Variants in FAM107B observed in about 807,000 individuals in gnomAD.
The protein encoded by FAM107B is family with sequence similarity 107 member B.
A neutral mutation model predicts 31.5 loss-of-function variants in FAM107B; 21 were observed. That is an observed-to-expected ratio of 0.67 (90% confidence interval 0.47 to 0.96). FAM107B has a LOEUF of 0.96. Among genes scored for constraint, FAM107B ranks in the 40% least tolerant of loss-of-function variants. The pLI, the probability that FAM107B is intolerant of heterozygous loss-of-function variation, is 0.00. For synonymous variants in FAM107B, 157 were observed against 141.5 expected (o/e 1.11, Z -0.78); for missense variants, 452 against 377.1 (o/e 1.20, Z -1.64).
At chr10:14,524,160 G>GCCTC (rs1845975343) in intron 3 of FAM107B, among the ~76,000 whole-genome samples, 2 of 151,642 alleles carry the variant, frequency 1.3e-5, no homozygotes, top group Non-Finnish European at 2.9e-5. Flanking sequence ...TCCTCCCTCA[G>GCCTC]CCTCCCGAGG....
At chr10:14,522,456 C>A (rs991633711) in intron 3 of FAM107B, among the ~76,000 whole-genome samples, 12 of 151,670 alleles carry the variant, frequency 7.9e-5, no homozygotes, top group African/African-American at 2.9e-4. Flanking sequence ...CTCTGTCACC[C>A]AGGCTGGAGT....
At chr10:14,754,219 G>A (rs552079828) in intron 1 of FAM107B, among the ~76,000 whole-genome samples, 10 of 152,276 alleles carry the variant, frequency 6.6e-5, no homozygotes, top group East Asian at 3.9e-4. Context: ...GATTACAGGC[G>A]TGAGCCACCT....
intron 1 of FAM107B, among the ~76,000 whole-genome samples, chr10:14,754,759 G>C (rs1832895765): frequency 6.6e-6 from 1 of 152,172 alleles, no homozygotes; most frequent in African/African-American, 2.4e-5. Flanking sequence ...GCTGTGATTT[G>C]TGCCTGTAAG....
At chr10:14,557,600 G>A (rs1467349916) in intron 2 of FAM107B, among the ~76,000 whole-genome samples, 1 of 152,190 alleles carries the variant, frequency 6.6e-6, no homozygotes, top group Admixed American at 6.5e-5. Context: ...CAATGATGAT[G>A]GTTTGGTTCC....
chr10:14,674,988 G>C (rs1854647385), intron 1 of FAM107B, among the ~76,000 whole-genome samples: 2 of 152,154 alleles, frequency 1.3e-5, no homozygotes, highest in South Asian at 2.1e-4. Context: ...CATTGTGCTT[G>C]TCCACGTATG....
intron 1 of FAM107B, among the ~76,000 whole-genome samples, chr10:14,735,241 G>A (rs1856272459): frequency 6.6e-6 from 1 of 152,168 alleles, no homozygotes; most frequent in Non-Finnish European, 1.5e-5. Context: ...TTTCAAGGCA[G>A]CCCAACACAA....
rs3035297 is a variant in FAM107B, at chr10:14,663,887, C to CAAAAAAAAAA, written c.469+3737_469+3746dup. Among the ~76,000 whole-genome samples the CAAAAAAAAAA allele has an allele frequency of 3.2e-4, 26 of 80,380 alleles. 2 individuals carry two copies. Among genetic ancestry groups the CAAAAAAAAAA allele is most frequent in the African/African-American group, 1.4e-3 (25 of 17,456 alleles). The allele number at this position is 80,380 out of a possible 152,430, so 52.7% of individuals were successfully genotyped here. On this transcript the variant is annotated intron_variant, in intron 2 of 4. Coordinates refer to ENST00000181796, the MANE Select transcript of FAM107B (RefSeq NM_031453.4). The stretch of plus-strand genomic sequence containing the variant: ...GATGCCCAAGAATTAGATCATCAGC[C>CAAAAAAAAAA]AAAAAAAAAAAAAAAAAAAAAAAAA...
intron 2 of FAM107B, among the ~76,000 whole-genome samples, chr10:14,582,585 A>G (rs925383426): frequency 2.8e-4 from 42 of 151,494 alleles, no homozygotes; most frequent in Non-Finnish European, 4.0e-4. Flanking sequence ...CACCATGTTA[A>G]CCAGGATGGT....
rs556381236 is a variant in FAM107B, at chr10:14,527,525, C to G, written c.653+2807G>C. 3.0e-4 allele frequency among the ~76,000 whole-genome samples: 46 copies of G among 152,368 alleles called. 1 individual carries two copies. Among genetic ancestry groups the G allele is most frequent in the African/African-American group, 1.1e-3 (46 of 41,588 alleles). On this transcript the variant is annotated intron_variant, in intron 3 of 4. Transcript: ENST00000181796. Reference sequence around the variant, plus strand: ...TGCGTAGCAAAGGTATAAGTCTCCACATAAACTTGCTTTTATTTCTAAACA... The same window carrying G: ...TGCGTAGCAAAGGTATAAGTCTCCAGATAAACTTGCTTTTATTTCTAAACA...
In FAM107B at chr10:14,530,118, G is replaced by C. The variant is rs575163969; in HGVS notation, c.653+214C>G. The C allele has an allele frequency of 2.0e-4, 101 of 517,414 alleles. No individual in the cohort carries two copies. In the South Asian group the frequency reaches 2.9e-3, roughly 15 times the overall value. The allele number at this position is 517,414 out of a possible 1,614,324, so 32.1% of individuals were successfully genotyped here. A position where few individuals can be genotyped will look rare whatever the true frequency, so the allele number is the denominator to read the frequency against. Reference sequence around the variant, plus strand: ...GGGAACCCGTGACTGCAGGAGTCTGGAAGCACTGCTGGCCACCACAGTGAT... The same window carrying C: ...GGGAACCCGTGACTGCAGGAGTCTGCAAGCACTGCTGGCCACCACAGTGAT... On this transcript the variant is annotated intron_variant, in intron 3 of 4. Transcript: ENST00000181796.
intron 2 of FAM107B, among the ~76,000 whole-genome samples, chr10:14,577,820 T>C (rs1851511978): frequency 6.6e-6 from 1 of 152,246 alleles, no homozygotes; most frequent in African/African-American, 2.4e-5. Flanking sequence ...TAGTTTTCTG[T>C]GCATTCTCTA....
At chr10:14,585,418 C>G (rs749231) in intron 2 of FAM107B, among the ~76,000 whole-genome samples, 136,106 of 152,054 alleles carry the variant, frequency 0.9, 61,913 homozygotes, top group Non-Finnish European at 0.97. Context: ...TCTCCCTCCT[C>G]TCTTCCTCTT....
intron 2 of FAM107B, among the ~76,000 whole-genome samples, chr10:14,572,761 T>TATATATATATATATATATATATATATATA (rs1554835550): frequency 7.9e-5 from 6 of 76,052 alleles, no homozygotes; most frequent in East Asian, 3.9e-4. Flanking sequence ...ATATATATAT[T>TATATATATATATATATATATATATATATA]AGAGTGTGTG....
At chr10:14,565,901 G>A (rs895643967) in intron 2 of FAM107B, among the ~76,000 whole-genome samples, 1 of 152,136 alleles carries the variant, frequency 6.6e-6, no homozygotes, top group Non-Finnish European at 1.5e-5. Flanking sequence ...AATCCCAGCT[G>A]GCAAATGCTG....
chr10:14,592,054 A>T (rs941538433), intron 2 of FAM107B, among the ~76,000 whole-genome samples: 10 of 152,224 alleles, frequency 6.6e-5, no homozygotes, highest in African/African-American at 2.4e-4. Flanking sequence ...AAGAAAAGCC[A>T]TTTCTAAGTG....
At chr10:14,751,302 A>G (rs937598306) in intron 1 of FAM107B, among the ~76,000 whole-genome samples, 2 of 152,130 alleles carry the variant, frequency 1.3e-5, no homozygotes, top group Non-Finnish European at 1.5e-5. Flanking sequence ...TGTTTGTACA[A>G]TTTCTCATAC....
intron 1 of FAM107B, among the ~76,000 whole-genome samples, chr10:14,673,508 G>A (rs960954512): frequency 2.6e-5 from 4 of 152,056 alleles, no homozygotes; most frequent in Admixed American, 6.6e-5. Context: ...TATTGTATAA[G>A]TGCCACATTT....
intron 1 of FAM107B, among the ~76,000 whole-genome samples, chr10:14,762,754 T>A (rs2768709): frequency 0.16 from 18,810 of 116,474 alleles, 1,896 homozygotes; most frequent in Admixed American, 0.21. Flanking sequence ...AAACTCTGTC[T>A]CACACACACA....
chr10:14,632,245 T>C (rs529197428), intron 2 of FAM107B, among the ~76,000 whole-genome samples: 1 of 131,750 alleles, frequency 7.6e-6, no homozygotes, highest in South Asian at 2.4e-4. Context: ...TTTCAGTGAG[T>C]GGAGATCGCG....
Sources: allele counts gnomAD v4.1 joint callset (sites outside exome capture counted in the v4.1 genomes callset), GRCh38; gene constraint gnomAD v4.1.1; transcripts MANE v1.5; gene names NCBI Gene and HGNC (gene_info 2026-07-23, HGNC 2026-07-21).